FGGY: variants seen among roughly 807,000 people sequenced by gnomAD.
FGGY encodes the protein FGGY carbohydrate kinase domain-containing protein.
Under a neutral mutation model 71.3 loss-of-function variants are expected in FGGY, and 72 were observed. That is an observed-to-expected ratio of 1.01 (90% CI 0.84 to 1.23). The LOEUF (loss-of-function observed/expected upper bound fraction) is 1.23. FGGY is among the 50% of genes most tolerant of loss of function. The probability of loss-of-function intolerance (pLI) is 0.00; values close to 1 mark genes in which losing one functional copy is unlikely to be tolerated. For synonymous variants in FGGY, 251 were observed against 250.3 expected (o/e 1.00, Z -0.02); for missense variants, 668 against 682.3 (o/e 0.98, Z 0.23).
chr1:59,699,722 A>G lies in FGGY; in HGVS notation c.1512+25589A>G, dbSNP rs113970403. 1.5e-3 allele frequency among the ~76,000 whole-genome samples: 233 copies of G among 152,352 alleles called. 1 individual carries two copies. Among genetic ancestry groups the G allele is most frequent in the African/African-American group, 5.4e-3 (224 of 41,596 alleles). ...TTAAAGTTATTGATAAAACAACATC[A>G]TATTTATTAACATGTTTAATTCTCG... On this transcript the variant is annotated intron_variant, in intron 14 of 15. Coordinates refer to ENST00000303721, the MANE Select transcript of FGGY (RefSeq NM_018291.5).
At chr1:59,666,685 G>A (rs536044834) in intron 12 of FGGY, among the ~76,000 whole-genome samples, 2 of 152,320 alleles carry the variant, frequency 1.3e-5, no homozygotes, top group Admixed American at 1.3e-4. Flanking sequence ...ATTTGGCTCA[G>A]AAGTCTCCTT....
At chr1:59,637,675 T>A (rs906903508) in intron 10 of FGGY, among the ~76,000 whole-genome samples, 1 of 152,214 alleles carries the variant, frequency 6.6e-6, no homozygotes. Context: ...CTCTAACTCC[T>A]GATCCTAACT....
intron 14 of FGGY, among the ~76,000 whole-genome samples, chr1:59,691,844 A>G (rs974283910): frequency 1.3e-5 from 2 of 152,110 alleles, no homozygotes; most frequent in Admixed American, 1.3e-4. Flanking sequence ...TTTGGATTCA[A>G]AGATGAAGGC....
intron 1 of FGGY, among the ~76,000 whole-genome samples, chr1:59,309,738 G>A (rs2043968206): frequency 6.6e-6 from 1 of 152,042 alleles, no homozygotes; most frequent in South Asian, 2.1e-4. Context: ...CACTTTGGGA[G>A]GCCAAGGTGG....
At chr1:59,381,413 A>G (rs922175399) in intron 5 of FGGY, among the ~76,000 whole-genome samples, 7 of 151,918 alleles carry the variant, frequency 4.6e-5, no homozygotes, top group East Asian at 1.9e-4. Context: ...TATTGATTCA[A>G]TAAGCTTTTT....
intron 11 of FGGY, among the ~76,000 whole-genome samples, chr1:59,656,404 C>T (rs946942602): frequency 6.6e-6 from 1 of 152,174 alleles, no homozygotes. Flanking sequence ...CACCTCCCTT[C>T]GAAGACAGCT....
chr1:59,320,629 C>T (rs2046220146), intron 1 of FGGY, among the ~76,000 whole-genome samples: 1 of 152,234 alleles, frequency 6.6e-6, no homozygotes, highest in Non-Finnish European at 1.5e-5. Context: ...TTGTAACTCA[C>T]AAGGGGTCTG....
intron 5 of FGGY, 131 bp from the exon 6 acceptor site, chr1:59,456,830 G>T (rs2091747487): frequency 1.7e-6 from 1 of 597,926 alleles, no homozygotes; most frequent in South Asian, 2.2e-5. Context: ...AAGCAGGGAT[G>T]TGTCATTATC....
At chr1:59,596,248 G>A (rs1199116569) in intron 8 of FGGY, among the ~76,000 whole-genome samples, 2 of 151,120 alleles carry the variant, frequency 1.3e-5, no homozygotes, top group Non-Finnish European at 2.9e-5. Context: ...TGTTGAATAT[G>A]GAGAAGAGGG....
At position 59,662,533 on chromosome 1, in the gene FGGY, A is replaced by G. The variant is rs187226277; in HGVS notation, c.1296+2240A>G. On this transcript the variant is annotated intron_variant, in intron 12 of 15. Coordinates refer to ENST00000303721, the MANE Select transcript of FGGY (RefSeq NM_018291.5). Reference sequence around the variant, plus strand: ...CCCCAGCATTCTAAAACAAAATTAGACATGTGAAGTACAGTCATCTGCTAC... The same window carrying G: ...CCCCAGCATTCTAAAACAAAATTAGGCATGTGAAGTACAGTCATCTGCTAC... Among the ~76,000 whole-genome samples, 197 of 152,290 alleles carry G rather than the reference A, an allele frequency of 1.3e-3. 1 individual carries two copies. The highest frequency in any genetic ancestry group is 0.012 in the Admixed American group (188 of 15,298).
intron 8 of FGGY, among the ~76,000 whole-genome samples, chr1:59,589,655 A>G (rs1436009266): frequency 6.6e-6 from 1 of 152,162 alleles, no homozygotes; most frequent in Non-Finnish European, 1.5e-5. Flanking sequence ...GCTCAACTAC[A>G]TGGAAACTGA....
At chr1:59,372,632 T>C (rs2057882921) in intron 4 of FGGY, among the ~76,000 whole-genome samples, 1 of 152,236 alleles carries the variant, frequency 6.6e-6, no homozygotes, top group South Asian at 2.1e-4. Context: ...ACCAATATCC[T>C]TGATGAACAT....
At chr1:59,340,520 G>C (rs835390) in intron 3 of FGGY, among the ~76,000 whole-genome samples, 61,819 of 151,976 alleles carry the variant, frequency 0.41, 13,078 homozygotes, top group African/African-American at 0.51. Flanking sequence ...CAGATAGAAG[G>C]TAGAAGCAGA....
intron 6 of FGGY, among the ~76,000 whole-genome samples, chr1:59,463,683 G>GC (rs1491351343): frequency 3.0e-5 from 4 of 131,942 alleles, no homozygotes; most frequent in Admixed American, 1.5e-4. Flanking sequence ...CAAGCAAATG[G>GC]AAAAAAAAAA....
intron 14 of FGGY, among the ~76,000 whole-genome samples, chr1:59,697,153 G>A (rs557711649): frequency 6.6e-6 from 1 of 152,320 alleles, no homozygotes; most frequent in East Asian, 1.9e-4. Context: ...CACCATTGGA[G>A]GAGGTGGTCC....
intron 9 of FGGY, among the ~76,000 whole-genome samples, chr1:59,611,585 A>G (rs2096680015): frequency 6.6e-6 from 1 of 152,230 alleles, no homozygotes; most frequent in African/African-American, 2.4e-5. Context: ...TCTAAAAATC[A>G]GAGTGCCTCT....
At chr1:59,614,525 A>G (rs1454326777) in intron 9 of FGGY, among the ~76,000 whole-genome samples, 3 of 152,220 alleles carry the variant, frequency 2.0e-5, no homozygotes, top group African/African-American at 4.8e-5. Flanking sequence ...ATCTATGACA[A>G]ACCCACAGCC....
chr1:59,655,978 T>A (rs933092325), intron 11 of FGGY, among the ~76,000 whole-genome samples: 1 of 152,196 alleles, frequency 6.6e-6, no homozygotes, highest in Non-Finnish European at 1.5e-5. Context: ...AAAATCCCAA[T>A]ATTTACATAA....
At chr1:59,546,509 A>G (rs987239467) in intron 7 of FGGY, among the ~76,000 whole-genome samples, 2 of 146,074 alleles carry the variant, frequency 1.4e-5, no homozygotes, top group Non-Finnish European at 3.0e-5. Context: ...GATGATGATG[A>G]TGATGATGAT....
Sources: allele counts gnomAD v4.1 joint callset (sites outside exome capture counted in the v4.1 genomes callset), GRCh38; gene constraint gnomAD v4.1.1; transcripts MANE v1.5; gene names NCBI Gene and HGNC (gene_info 2026-07-23, HGNC 2026-07-21).